The following CLSPN variants were observed in gnomAD, a reference collection of about 807,000 sequenced individuals.
CLSPN encodes the protein claspin homolog.
CLSPN carries 85 observed loss-of-function variants against 156.3 expected under a neutral mutation model. The ratio of observed to expected loss-of-function variants is 0.54; its 90% CI spans 0.46 to 0.65. The LOEUF (loss-of-function observed/expected upper bound fraction) is 0.65, where lower values mean the gene tolerates loss of function less well. Ranked by LOEUF, CLSPN falls within the 30% of genes least tolerant of loss-of-function variation. The probability of loss-of-function intolerance (pLI) is 0.00; values close to 1 mark genes in which losing one functional copy is unlikely to be tolerated. For synonymous variants in CLSPN, 534 were observed against 542.4 expected (o/e 0.98, Z 0.22); for missense variants, 1,407 against 1,554.9 (o/e 0.90, Z 1.60).
chr1:35,743,567 T>G, intron 16 of CLSPN, 37 bp from the exon 17 acceptor site: 1 of 1,553,108 alleles, frequency 6.4e-7, no homozygotes, highest in Non-Finnish European at 8.9e-7. Context: ...AATAAGTTGT[T>G]GAAAGCAAAC....
chr1:35,735,037 A>T lies in CLSPN; in HGVS notation c.*1459T>A. ...TCAAAATTAGTAATGAAATGCTGAA[A>T]TGTCCATTGATTAGTGAGGGCAATG... On this transcript the variant is annotated 3_prime_UTR_variant, in exon 25 of 25. Coordinates refer to ENST00000318121, the MANE Select transcript of CLSPN (RefSeq NM_022111.4). The T allele has an allele frequency of 3.0e-6, 3 of 985,440 alleles. No individual in the cohort carries two copies. The South Asian group carries it at 1.4e-4, about 46-fold the overall frequency. 61.0% of individuals were successfully genotyped at this position (985,440 alleles called of 1,614,324 possible). A position where few individuals can be genotyped will look rare whatever the true frequency, so the allele number is the denominator to read the frequency against.
In CLSPN at chr1:35,753,840, T is replaced by A; in HGVS notation, c.1676A>T (p.Asp559Val). The A allele has an allele frequency of 6.2e-7, 1 of 1,614,204 alleles. No homozygotes were observed. Among genetic ancestry groups the A allele is most frequent in the Non-Finnish European group, 8.5e-7 (1 of 1,180,028 alleles). The change falls in exon 9 of 25, where the codon GAC becomes GTC. Residue 559 changes from aspartate (D) to valine (V), a missense_variant. By Grantham distance (152) the Asp-to-Val change is radical. This residue lies in a region of CLSPN where 1,096 missense variants were observed against 1,193.0 expected (regional missense o/e 0.92). Transcript: ENST00000318121. ...CTCTTCCTTTCCATCAGTGCCCATG[T>A]CTTTCACTATGACGTTCACATTCAC... ...QTVNVNVIVK[D>V]MGTDGKEELK...
intron 9 of CLSPN, 58 bp downstream of exon 9, chr1:35,753,687 G>C (rs774601442): frequency 5.0e-5 from 75 of 1,490,400 alleles, no homozygotes; most frequent in Non-Finnish European, 6.2e-5. Flanking sequence ...CAATAGCCTT[G>C]AAGATCTGTT....
At chr1:35,765,532 CAACTCTTTTAGT>C (rs1283029427) in intron 1 of CLSPN, among the ~76,000 whole-genome samples, 3 of 152,032 alleles carry the variant, frequency 2.0e-5, no homozygotes, top group African/African-American at 7.2e-5. Flanking sequence ...CTAACAGAAC[CAACTCTTTTAGT>C]AACGGTAAAA....
In CLSPN at chr1:35,760,986, T is replaced by A. The variant is rs536175331; in HGVS notation, c.1005-70A>T. On this transcript the variant is annotated intron_variant, in intron 7 of 24. Transcript: ENST00000318121. ...TGAAACATTCTCATCCCTTAGTATA[T>A]ATCAGTTAAATCAGTTTTAAGGGAG... 6.2e-5 allele frequency: 88 copies of A among 1,422,222 alleles called. No individual in the cohort carries two copies. In the African/African-American group the frequency reaches 9.9e-4, roughly 16 times the overall value. The allele number at this position is 1,422,222 out of a possible 1,614,324, so 88.1% of individuals were successfully genotyped here.
At chr1:35,762,166 G>A (rs1642502729) in intron 5 of CLSPN, 96 bp from the exon 6 acceptor site, 3 of 1,004,498 alleles carry the variant, frequency 3.0e-6, no homozygotes, top group Middle Eastern at 2.2e-4. Context: ...CAAGAAAAGA[G>A]GAAAGGAAAT....
chr1:35,765,205 T>C lies in CLSPN; in HGVS notation c.133+13A>G, dbSNP rs1176129897. The C allele has an allele frequency of 1.0e-5, 16 of 1,540,182 alleles. No homozygotes were observed. The highest frequency in any genetic ancestry group is 1.4e-5 in the Non-Finnish European group (16 of 1,114,750). Reference sequence around the variant, plus strand: ...CGCAACCTATTCCTAAAAATAAAAGTACTATTACAAACCTCCTTCACTCAA... The same window carrying C: ...CGCAACCTATTCCTAAAAATAAAAGCACTATTACAAACCTCCTTCACTCAA... On this transcript the variant is annotated intron_variant, in intron 2 of 24. Transcript: ENST00000318121.
chr1:35,755,087 C>A (rs146046818), intron 8 of CLSPN, among the ~76,000 whole-genome samples: 3 of 152,026 alleles, frequency 2.0e-5, no homozygotes, highest in Non-Finnish European at 4.4e-5. Flanking sequence ...GCGGCCTTCT[C>A]GTCCATGATA....
rs145739966 is a variant in CLSPN at position 35,741,184 on chromosome 1, C to G, written c.3144-1655G>C. 1.8e-3 allele frequency among the ~76,000 whole-genome samples: 267 copies of G among 152,092 alleles called. 1 individual carries two copies. The highest frequency in any genetic ancestry group is 6.2e-3 in the African/African-American group (258 of 41,494). On this transcript the variant is annotated intron_variant, in intron 18 of 24. Transcript: ENST00000318121. ...AGAAAAAAAAAGATGCAAAATTATA[C>G]ATATAGAAAGATTGTACAAATCTCA...
chr1:35,722,750 G>A (rs1557490775), intron 24 of CLSPN, among the ~76,000 whole-genome samples: 1 of 151,750 alleles, frequency 6.6e-6, no homozygotes, highest in Non-Finnish European at 1.5e-5. Context: ...TCATGCCTCA[G>A]CCTCCTGAGT....
At position 35,761,199 on chromosome 1, in the gene CLSPN, C is replaced by CAGA. The variant is rs1426706179; in HGVS notation, c.898_900dup (p.Ser300dup). On this transcript the variant is annotated inframe_insertion, in exon 7 of 25. Coordinates refer to ENST00000318121, the MANE Select transcript of CLSPN (RefSeq NM_022111.4). ...GGCATATGATATGGAAGGTTCAGTG[C>CAGA]AGACTCTATAAAATGGAATAAAACA... 6.3e-7 allele frequency: 1 copy of CAGA among 1,594,398 alleles called. No homozygotes were observed. Among genetic ancestry groups the CAGA allele is most frequent in the Non-Finnish European group, 8.6e-7 (1 of 1,162,400 alleles).
chr1:35,752,776 T>C (rs1007724580), intron 9 of CLSPN, among the ~76,000 whole-genome samples: 1 of 152,044 alleles, frequency 6.6e-6, no homozygotes. Flanking sequence ...CCTCATAGGG[T>C]TGTAAGGATT....
intron 14 of CLSPN, 101 bp from the exon 15 acceptor site, chr1:35,747,093 C>T (rs973901763): frequency 1.5e-5 from 12 of 811,812 alleles, no homozygotes; most frequent in East Asian, 1.0e-4. Context: ...GAGGCCGAGG[C>T]GGGCGGATCA....
At chr1:35,761,909 G>C in intron 6 of CLSPN, 89 bp downstream of exon 6, 1 of 804,486 alleles carries the variant, frequency 1.2e-6, no homozygotes, top group South Asian at 1.5e-5. Flanking sequence ...CACATTAGAA[G>C]TGTTAAAAAA....
rs766696435 is a variant in CLSPN, at chr1:35,760,513, T to C, written c.1408A>G (p.Lys470Glu). ...GPQNPEETDE[K>E]VEEPEQQNKS... is the part of the protein sequence containing the mutation. ...TTTTGCTGCTCAGGCTCTTCCACTTTCTCATCTGTTTCTTCTGGATTTTGG... is the reference window on the plus strand; with the variant it reads ...TTTTGCTGCTCAGGCTCTTCCACTTCCTCATCTGTTTCTTCTGGATTTTGG... Residue 470 changes from lysine to glutamate, a missense_variant, in exon 8 of 25, where the codon AAA (lysine) becomes GAA (glutamate). Around this residue, in one of 3 missense-constraint regions of CLSPN, gnomAD observed 1,096 missense variants for 1,193.0 expected, o/e 0.92. Transcript: ENST00000318121. 7.4e-6 allele frequency: 12 copies of C among 1,614,082 alleles called. No homozygotes were observed. Among genetic ancestry groups the C allele is most frequent in the Admixed American group, 3.3e-5 (2 of 60,000 alleles).
At chr1:35,769,456 C>T (rs1199096995) in intron 1 of CLSPN, among the ~76,000 whole-genome samples, 1 of 152,250 alleles carries the variant, frequency 6.6e-6, no homozygotes, top group East Asian at 1.9e-4. Flanking sequence ...GAGAATCCCC[C>T]CGCACCGCTG....
chr1:35,728,088 T>C (rs944832918), downstream of CLSPN, among the ~76,000 whole-genome samples: 47 of 150,390 alleles, frequency 3.1e-4, no homozygotes, highest in Non-Finnish European at 5.9e-4. Flanking sequence ...TTTTTTTTTT[T>C]TTTTTTTTTT....
At position 35,748,446 on chromosome 1, in the gene CLSPN, G is replaced by A. The variant is rs1557511042; in HGVS notation, c.2431C>T (p.Pro811Ser). ...PTAGGFRSPSPGLFRASLVSS... is the reference protein window; with the variant it reads ...PTAGGFRSPSSGLFRASLVSS... ...ACCAAACTGGCTCGAAATAGCCCAGGGGAAGGAGATCTGAATCCTCCTGCT... is the reference window on the plus strand; with the variant it reads ...ACCAAACTGGCTCGAAATAGCCCAGAGGAAGGAGATCTGAATCCTCCTGCT... Residue 811 changes from proline (P) to serine (S), a missense_variant, in exon 13 of 25, where the codon CCT (proline) becomes TCT (serine). Around this residue, in one of 3 missense-constraint regions of CLSPN, gnomAD observed 1,096 missense variants for 1,193.0 expected, o/e 0.92. Coordinates refer to ENST00000318121, the MANE Select transcript of CLSPN (RefSeq NM_022111.4). 2 of 1,614,134 alleles carry A rather than the reference G, an allele frequency of 1.2e-6. No homozygotes were observed. Among genetic ancestry groups the A allele is most frequent in the Non-Finnish European group, 1.7e-6 (2 of 1,180,036 alleles).
chr1:35,754,009 G>A (rs1402991585), intron 8 of CLSPN, 73 bp from the exon 9 acceptor site: 1 of 1,377,570 alleles, frequency 7.3e-7, no homozygotes, highest in African/African-American at 1.5e-5. Context: ...TATAAGCTAA[G>A]TTTTTTTTAG....
Sources: gnomAD v4.1 joint callset for allele counts (sites outside exome capture counted in the v4.1 genomes callset) on GRCh38, gnomAD v4.1.1 for gene constraint, gnomAD v4.1.1 regional missense constraint, MANE v1.5 for transcripts, NCBI Gene and HGNC (gene_info 2026-07-23, HGNC 2026-07-21) for gene names.